Variants in CCDC171 observed in about 807,000 individuals in gnomAD.
CCDC171 encodes coiled-coil domain-containing protein 171.
CCDC171 carries 177 observed loss-of-function variants against 168.2 expected under a neutral mutation model. That is an observed-to-expected ratio of 1.05 (90% confidence interval 0.93 to 1.19). CCDC171 has a LOEUF of 1.19. CCDC171 is among the 50% of genes most tolerant of loss of function. The pLI, the probability that CCDC171 is intolerant of heterozygous loss-of-function variation, is 0.00. For missense variants in CCDC171, 1,991 were observed against 1,539.0 expected (o/e 1.29, Z -4.91); for synonymous variants, 687 against 540.8 (o/e 1.27, Z -3.75).
At chr9:15,794,199 T>C (rs1456603633) in intron 21 of CCDC171, among the ~76,000 whole-genome samples, 1 of 152,192 alleles carries the variant, frequency 6.6e-6, no homozygotes, top group Non-Finnish European at 1.5e-5. Flanking sequence ...GCATAGTGGC[T>C]CACGTCTGTA....
chr9:16,025,815 A>G (rs76526101), intron 6 of CCDC171, among the ~76,000 whole-genome samples: 8,457 of 152,270 alleles, frequency 0.056, 761 homozygotes, highest in African/African-American at 0.19. Context: ...ATGACTGCCA[A>G]TGGGTGTGGG....
intron 4 of CCDC171, among the ~76,000 whole-genome samples, chr9:15,579,334 C>G (rs551117637): frequency 6.6e-6 from 1 of 152,106 alleles, no homozygotes; most frequent in Non-Finnish European, 1.5e-5. Context: ...TTTTGTTTGT[C>G]TTAAACATAT....
At chr9:16,013,814 G>A (rs566715632) in intron 3 of CCDC171, among the ~76,000 whole-genome samples, 20 of 152,304 alleles carry the variant, frequency 1.3e-4, no homozygotes, top group Admixed American at 1.3e-3. Flanking sequence ...AAGACATTAT[G>A]TCTTTAAAAA....
chr9:15,585,409 A>C (rs1052771870), intron 4 of CCDC171, among the ~76,000 whole-genome samples: 1 of 152,248 alleles, frequency 6.6e-6, no homozygotes, highest in Admixed American at 6.5e-5. Flanking sequence ...AATAAGAAGA[A>C]AGCAACCACT....
chr9:15,610,968 A>G (rs1216475564), intron 6 of CCDC171, among the ~76,000 whole-genome samples: 2 of 152,146 alleles, frequency 1.3e-5, no homozygotes, highest in Non-Finnish European at 2.9e-5. Context: ...TCATATTGAA[A>G]TGTAATCACC....
chr9:15,840,389 C>T (rs1360816856), intron 21 of CCDC171, among the ~76,000 whole-genome samples: 1 of 152,042 alleles, frequency 6.6e-6, no homozygotes, highest in African/African-American at 2.4e-5. Context: ...CCAGGGAATT[C>T]AGCAATTTTT....
At chr9:15,841,530 A>G (rs1390044838) in intron 21 of CCDC171, among the ~76,000 whole-genome samples, 1 of 151,998 alleles carries the variant, frequency 6.6e-6, no homozygotes, top group African/African-American at 2.4e-5. Context: ...TTCAGTTTAT[A>G]AATATGTCAC....
intron 10 of CCDC171, among the ~76,000 whole-genome samples, chr9:15,684,542 C>G (rs1042239840): frequency 2.0e-4 from 31 of 151,958 alleles, no homozygotes; most frequent in Non-Finnish European, 1.2e-4. Context: ...CTTCAAGGCT[C>G]TCAATCGAAA....
intron 3 of CCDC171, among the ~76,000 whole-genome samples, chr9:15,576,905 A>G (rs2040714944): frequency 6.6e-6 from 1 of 152,230 alleles, no homozygotes; most frequent in Admixed American, 6.5e-5. Flanking sequence ...CCTGCAAGGC[A>G]GCTGCTTCAG....
At chr9:15,947,896 A>G (rs1286366567) in intron 25 of CCDC171, among the ~76,000 whole-genome samples, 1 of 151,764 alleles carries the variant, frequency 6.6e-6, no homozygotes, top group African/African-American at 2.4e-5. Context: ...ACATATGTAT[A>G]CATGTGCCAT....
intron 6 of CCDC171, among the ~76,000 whole-genome samples, chr9:15,608,415 A>T (rs575545640): frequency 9.2e-5 from 14 of 152,282 alleles, no homozygotes; most frequent in Non-Finnish European, 1.6e-4. Context: ...TTGTTCTCTT[A>T]AGTGGGTGTA....
intron 9 of CCDC171, among the ~76,000 whole-genome samples, chr9:15,676,808 T>G (rs1297790945): frequency 6.6e-6 from 1 of 152,158 alleles, no homozygotes; most frequent in Non-Finnish European, 1.5e-5. Flanking sequence ...GTTTGAGAAG[T>G]CTGAAGTCAG....
chr9:16,099,357 C>T, the CCDC171 span, among the ~76,000 whole-genome samples: 1 of 152,190 alleles, frequency 6.6e-6, no homozygotes, highest in South Asian at 2.1e-4. Context: ...AGGCTGGGAA[C>T]ATGGATGGGA....
intron 21 of CCDC171, among the ~76,000 whole-genome samples, chr9:15,829,218 A>G (rs1443139998): frequency 6.6e-6 from 1 of 152,190 alleles, no homozygotes; most frequent in African/African-American, 2.4e-5. Flanking sequence ...AGGAATCTGT[A>G]TTTCAATCTA....
chr9:15,817,905 G>A lies in CCDC171; in HGVS notation c.3268-28797G>A, dbSNP rs1308031444. ...ACGGGCAGACTGCCTCCTCAAGTGGGTCCCTGACCCCTGAGTAACCTAGCT... is the reference window on the plus strand; with the variant it reads ...ACGGGCAGACTGCCTCCTCAAGTGGATCCCTGACCCCTGAGTAACCTAGCT... On this transcript the variant is annotated intron_variant, in intron 21 of 25. Transcript: ENST00000380701. Among the ~76,000 whole-genome samples the A allele has an allele frequency of 3.4e-5, 4 of 118,474 alleles. 1 individual carries two copies. Among genetic ancestry groups the A allele is most frequent in the Non-Finnish European group, 7.6e-5 (4 of 52,486 alleles). The allele number at this position is 118,474 out of a possible 152,430, so 77.7% of individuals were successfully genotyped here. A position where few individuals can be genotyped will look rare whatever the true frequency, so the allele number is the denominator to read the frequency against.
chr9:16,050,992 C>G (rs139937074), intron 1 of CCDC171, among the ~76,000 whole-genome samples: 11 of 152,296 alleles, frequency 7.2e-5, no homozygotes, highest in African/African-American at 2.6e-4. Context: ...CTTTTATACT[C>G]ATGACTGTAG....
At chr9:15,827,325 T>G (rs982149261) in intron 21 of CCDC171, among the ~76,000 whole-genome samples, 1 of 152,178 alleles carries the variant, frequency 6.6e-6, no homozygotes. Context: ...TTAATTAATT[T>G]CTATCTTCTA....
chr9:15,915,304 A>T (rs1452682522), intron 24 of CCDC171, among the ~76,000 whole-genome samples: 1 of 151,254 alleles, frequency 6.6e-6, no homozygotes, highest in East Asian at 1.9e-4. Flanking sequence ...AATTTCTTTC[A>T]TCAGTGTTTT....
In CCDC171 at chr9:15,623,328, T is replaced by G. The variant is rs765588024; in HGVS notation, c.737T>G (p.Met246Arg). The G allele has an allele frequency of 8.1e-6, 13 of 1,609,048 alleles. No homozygotes were observed. Among genetic ancestry groups the G allele is most frequent in the Non-Finnish European group, 1.1e-5 (13 of 1,176,764 alleles). ...KKVEKLETEH[M>R]DCSDLLRRQT... is the part of the protein sequence containing the mutation. ...GTAGAAAAATTAGAAACAGAACATA[T>G]GGACTGCTCTGACCTTTTACGGCGA... The change falls in exon 7 of 26, where the codon ATG (methionine) becomes AGG (arginine). Residue 246 changes from methionine (M) to arginine (R), a missense_variant. By Grantham distance (91) the Met-to-Arg change is moderately conservative. Transcript: ENST00000380701.
Sources: gnomAD v4.1 joint callset for allele counts (sites outside exome capture counted in the v4.1 genomes callset) on GRCh38, gnomAD v4.1.1 for gene constraint, MANE v1.5 for transcripts, NCBI Gene and HGNC (gene_info 2026-07-23, HGNC 2026-07-21) for gene names.